The following PRDM10 variants were observed in gnomAD, a reference collection of about 807,000 sequenced individuals.
PRDM10 encodes the protein PR/SET domain 10.
PRDM10 carries 65 observed loss-of-function variants against 133.1 expected under a neutral mutation model. That is an observed-to-expected ratio of 0.49 (90% CI 0.40 to 0.60). The LOEUF (loss-of-function observed/expected upper bound fraction) is 0.60. Ranked by LOEUF, PRDM10 falls within the 20% of genes least tolerant of loss-of-function variation. The pLI, the probability that PRDM10 is intolerant of heterozygous loss-of-function variation, is 0.00. For missense variants in PRDM10, 1,137 were observed against 1,507.1 expected (o/e 0.75, Z 4.07); for synonymous variants, 582 against 580.4 (o/e 1.00, Z -0.04).
At chr11:129,984,489 C>T (rs1406955470) in intron 1 of PRDM10, among the ~76,000 whole-genome samples, 3 of 152,182 alleles carry the variant, frequency 2.0e-5, no homozygotes, top group Non-Finnish European at 2.9e-5. Context: ...TCCAGCCCCA[C>T]GGCCTCACTG....
chr11:129,986,549 G>A (rs1284097715), intron 1 of PRDM10, among the ~76,000 whole-genome samples: 1 of 152,112 alleles, frequency 6.6e-6, no homozygotes. Flanking sequence ...ACCATGGCCG[G>A]CTAATTTTTT....
At chr11:129,977,578 A>G (rs1937852942) in intron 1 of PRDM10, among the ~76,000 whole-genome samples, 1 of 152,036 alleles carries the variant, frequency 6.6e-6, no homozygotes, top group Non-Finnish European at 1.5e-5. Flanking sequence ...CACTGCGCCC[A>G]GCCTAACATT....
rs750335909 is a variant in PRDM10, at chr11:129,912,090, C to T, written c.2977G>A (p.Ala993Thr). ...TAGTCTGTGGAGCAGGGTACCTGGG[C>T]GGAGGACGGGGCCGAGGCGGTAGGC... ...SEPTASAPSS[A>T]QVSGQPLSPS... Residue 993 changes from alanine (A) to threonine (T), a missense_variant, in exon 18 of 21, where the codon GCC becomes ACC. By Grantham distance (58) the Ala-to-Thr change is moderately conservative. Around this residue, in one of 6 missense-constraint regions of PRDM10, gnomAD observed 243 missense variants for 259.2 expected, o/e 0.94. Coordinates refer to ENST00000360871, the MANE Select transcript of PRDM10 (RefSeq NM_199437.2). 7 of 1,605,734 alleles carry T rather than the reference C, an allele frequency of 4.4e-6. No homozygotes were observed. The highest frequency in any genetic ancestry group is 2.2e-5 in the South Asian group (2 of 89,846).
At position 129,902,507 on chromosome 11, in the gene PRDM10, C is replaced by G. The variant is rs201374213; in HGVS notation, c.3277G>C (p.Val1093Leu). Residue 1093 changes from valine (V) to leucine (L), a missense_variant, in exon 21 of 21, where the codon GTG becomes CTG. Val to Leu is a conservative substitution (Grantham distance 32). Transcript: ENST00000360871. ...QVKAVTSGHY[V>L]LSESQSELEE... The stretch of plus-strand genomic sequence containing the variant: ...AATTCTGATTGACTTTCTGATAACA[C>G]ATAATGACCCTAGAGGAAGAAGAAA... 21 of 1,613,870 alleles carry G rather than the reference C, an allele frequency of 1.3e-5. No homozygotes were observed. In the East Asian group the frequency reaches 4.0e-4, roughly 31 times the overall value.
intron 4 of PRDM10, among the ~76,000 whole-genome samples, chr11:129,954,448 A>G (rs900313505): frequency 6.6e-6 from 1 of 151,906 alleles, no homozygotes; most frequent in Admixed American, 6.6e-5. Context: ...TATTTTTAGT[A>G]GAGACAGGGT....
chr11:129,925,287 C>G, intron 11 of PRDM10, 58 bp from the exon 12 acceptor site: 2 of 1,441,950 alleles, frequency 1.4e-6, no homozygotes, highest in Non-Finnish European at 1.9e-6. Flanking sequence ...GCAACTGGAT[C>G]ACACTTTTAC....
intron 1 of PRDM10, among the ~76,000 whole-genome samples, chr11:129,999,469 G>C (rs1475178513): frequency 6.6e-6 from 1 of 152,148 alleles, no homozygotes; most frequent in Admixed American, 6.5e-5. Context: ...TGCTGGACTG[G>C]GTGTGGCTAC....
At chr11:129,934,022 C>T (rs917470992) in intron 9 of PRDM10, among the ~76,000 whole-genome samples, 1 of 152,190 alleles carries the variant, frequency 6.6e-6, no homozygotes, top group Non-Finnish European at 1.5e-5. Flanking sequence ...CCTTGATGTT[C>T]TCTCCCCTTC....
intron 1 of PRDM10, among the ~76,000 whole-genome samples, chr11:129,995,391 G>A (rs907825887): frequency 5.3e-5 from 8 of 152,142 alleles, no homozygotes; most frequent in Non-Finnish European, 8.8e-5. Flanking sequence ...AATTGGACAC[G>A]GTTCTGTCAA....
chr11:129,998,837 T>C (rs1939197062), intron 1 of PRDM10, among the ~76,000 whole-genome samples: 1 of 151,702 alleles, frequency 6.6e-6, no homozygotes, highest in Non-Finnish European at 1.5e-5. Context: ...TTTTTTTTTT[T>C]TGGAGACAGG....
chr11:129,989,709 G>A (rs1591702469), intron 1 of PRDM10, among the ~76,000 whole-genome samples: 3 of 152,228 alleles, frequency 2.0e-5, no homozygotes, highest in Admixed American at 2.0e-4. Context: ...AAACCCATGT[G>A]CTTTAAAATG....
chr11:129,930,319 G>A (rs1333390980), intron 11 of PRDM10, among the ~76,000 whole-genome samples: 2 of 152,202 alleles, frequency 1.3e-5, no homozygotes, highest in Non-Finnish European at 2.9e-5. Flanking sequence ...ATCCCACAAA[G>A]CCATATTGTT....
chr11:129,983,040 G>A (rs1231849937), intron 1 of PRDM10, among the ~76,000 whole-genome samples: 2 of 151,748 alleles, frequency 1.3e-5, no homozygotes, highest in African/African-American at 2.4e-5. Context: ...GCAGTGGCAC[G>A]ATCTCAGCTC....
At chr11:129,914,627 C>G in intron 17 of PRDM10, 77 bp downstream of exon 17, 1 of 1,576,150 alleles carries the variant, frequency 6.3e-7, no homozygotes, top group South Asian at 1.1e-5. Context: ...ACATAGATCC[C>G]AGCCCCAGCT....
intron 1 of PRDM10, among the ~76,000 whole-genome samples, chr11:129,980,248 G>A (rs974929650): frequency 6.6e-6 from 1 of 152,134 alleles, no homozygotes; most frequent in Non-Finnish European, 1.5e-5. Context: ...TAGACACAAC[G>A]TTTATGGCAG....
At chr11:129,924,409 C>T (rs537445850) in intron 12 of PRDM10, among the ~76,000 whole-genome samples, 16 of 152,266 alleles carry the variant, frequency 1.1e-4, no homozygotes, top group African/African-American at 3.6e-4. Flanking sequence ...GAATACACTA[C>T]AGGGGAGGAG....
chr11:129,971,581 T>C (rs1221305657), intron 1 of PRDM10, among the ~76,000 whole-genome samples: 1 of 150,672 alleles, frequency 6.6e-6, no homozygotes, highest in Non-Finnish European at 1.5e-5. Flanking sequence ...ATAGGTGTAT[T>C]TACAATCCCT....
chr11:129,929,466 A>G (rs1950782596), intron 11 of PRDM10: 1 of 1,531,876 alleles, frequency 6.5e-7, no homozygotes. Context: ...TACATTACCA[A>G]TTGGATTGGA....
rs912285712 is a variant in PRDM10, at chr11:129,918,187, T to TA, written c.2214+351dup. ...GCTGGGGAGAAGGCAAATACCCCATTAAAAAAATACATTCAGGGACACAAA... is the reference window on the plus strand; with the variant it reads ...GCTGGGGAGAAGGCAAATACCCCATTAAAAAAAATACATTCAGGGACACAAA... On this transcript the variant is annotated intron_variant, in intron 14 of 20. Coordinates refer to ENST00000360871, the MANE Select transcript of PRDM10 (RefSeq NM_199437.2). This position sits in a 1 kb window ranked among gnomAD's most constrained non-coding sequence, Gnocchi z 5.3. Among the ~76,000 whole-genome samples the TA allele has an allele frequency of 6.7e-6, 1 of 149,238 alleles. No individual in the cohort carries two copies. Among genetic ancestry groups the TA allele is most frequent in the Non-Finnish European group, 1.5e-5 (1 of 67,442 alleles).
Sources: gnomAD v4.1 joint callset for allele counts (sites outside exome capture counted in the v4.1 genomes callset) on GRCh38, gnomAD v4.1.1 for gene constraint, gnomAD v4.1.1 regional missense constraint, Gnocchi (gnomAD v3.1) non-coding constraint, MANE v1.5 for transcripts, NCBI Gene and HGNC (gene_info 2026-07-23, HGNC 2026-07-21) for gene names.